Variants in AP3B1 observed in about 807,000 individuals in gnomAD.
AP3B1 encodes the protein adaptor related protein complex 3 subunit beta 1.
A neutral mutation model predicts 132.5 loss-of-function variants in AP3B1; 61 were observed. That is an observed-to-expected ratio of 0.46 (90% CI 0.37 to 0.57). The LOEUF is 0.57. Among genes scored for constraint, AP3B1 ranks in the 20% least tolerant of loss-of-function variants. The pLI, the probability that AP3B1 is intolerant of heterozygous loss-of-function variation, is 0.00. For missense variants in AP3B1, 1,120 were observed against 1,289.4 expected, an observed-to-expected ratio of 0.87 and a Z score of 2.01; for synonymous variants, 388 against 438.3, an observed-to-expected ratio of 0.89 and a Z score of 1.43.
intron 25 of AP3B1, chr5:78,015,808 A>G (rs1328592464): frequency 2.4e-6 from 1 of 416,634 alleles, no homozygotes; most frequent in Non-Finnish European, 4.4e-6. Context: ...TAGGATAAAA[A>G]CTTAGAATCA....
At chr5:78,047,323 G>A (rs150511212) in intron 22 of AP3B1, among the ~76,000 whole-genome samples, 6 of 152,290 alleles carry the variant, frequency 3.9e-5, no homozygotes, top group Middle Eastern at 3.4e-3. Context: ...CACCAACAGT[G>A]TAAAAGTGTT....
At chr5:78,157,587 ATG>A (rs1354386163) in intron 13 of AP3B1, among the ~76,000 whole-genome samples, 5 of 152,138 alleles carry the variant, frequency 3.3e-5, no homozygotes, top group African/African-American at 1.2e-4. Context: ...ATCTTATATA[ATG>A]TGTTATTAAT....
chr5:78,206,089 T>C (rs145796120), intron 7 of AP3B1, among the ~76,000 whole-genome samples: 93 of 152,226 alleles, frequency 6.1e-4, no homozygotes, highest in African/African-American at 2.1e-3. Context: ...CAACAAATTT[T>C]AAAAATTGGA....
chr5:78,078,884 G>C (rs1299940418), intron 22 of AP3B1, among the ~76,000 whole-genome samples: 1 of 152,184 alleles, frequency 6.6e-6, no homozygotes, highest in Non-Finnish European at 1.5e-5. Flanking sequence ...ATGTATGTTA[G>C]AATGCAAATA....
intron 2 of AP3B1, among the ~76,000 whole-genome samples, chr5:78,244,034 T>C (rs189458459): frequency 1.4e-4 from 22 of 152,292 alleles, no homozygotes; most frequent in African/African-American, 4.8e-4. Flanking sequence ...AGAGGAAAGA[T>C]AGTGAGCACA....
At chr5:78,160,576 T>C (rs941183974) in intron 13 of AP3B1, among the ~76,000 whole-genome samples, 1 of 152,118 alleles carries the variant, frequency 6.6e-6, no homozygotes, top group African/African-American at 2.4e-5. Context: ...AGCCTAAATG[T>C]CCCTGAGGTT....
rs1748687470 is a variant in AP3B1, at chr5:78,053,698, GAAA to G, written c.2578-14427_2578-14425del. ...CATCTCAAAAAAAAAAAAAAAAAAA[GAAA>G]GAAAAGAAAAGTCCCCCTCAGGTAA... On this transcript the variant is annotated intron_variant, in intron 22 of 26. Coordinates refer to ENST00000255194, the MANE Select transcript of AP3B1 (RefSeq NM_003664.5). 2.0e-5 allele frequency among the ~76,000 whole-genome samples: 2 copies of G among 98,642 alleles called. 1 individual carries two copies. The highest frequency in any genetic ancestry group is 7.2e-5 in the African/African-American group (2 of 27,726). 64.7% of individuals were successfully genotyped at this position (98,642 alleles called of 152,430 possible). A position where few individuals can be genotyped will look rare whatever the true frequency, so the allele number is the denominator to read the frequency against.
intron 7 of AP3B1, among the ~76,000 whole-genome samples, chr5:78,183,954 G>C (rs1194209846): frequency 1.3e-5 from 2 of 150,466 alleles, no homozygotes; most frequent in East Asian, 3.9e-4. Context: ...TGGATCACGA[G>C]ATCAGGAGTT....
chr5:78,100,153 A>C (rs1192196653), intron 21 of AP3B1, among the ~76,000 whole-genome samples: 1 of 152,114 alleles, frequency 6.6e-6, no homozygotes, highest in Non-Finnish European at 1.5e-5. Context: ...TCTCTATATT[A>C]AGTATATGCC....
intron 22 of AP3B1, among the ~76,000 whole-genome samples, chr5:78,065,284 C>A (rs958550449): frequency 6.6e-6 from 1 of 152,170 alleles, no homozygotes; most frequent in African/African-American, 2.4e-5. Flanking sequence ...CGGCTGGAGA[C>A]TCCCTGAGAC....
chr5:78,150,371 T>C (rs948578828), intron 14 of AP3B1, among the ~76,000 whole-genome samples: 2 of 152,144 alleles, frequency 1.3e-5, no homozygotes, highest in African/African-American at 2.4e-5. Context: ...TCAAGGAAGA[T>C]AGGGACAGAA....
chr5:78,133,546 C>G (rs1468468300), intron 15 of AP3B1, among the ~76,000 whole-genome samples: 1 of 152,138 alleles, frequency 6.6e-6, no homozygotes, highest in African/African-American at 2.4e-5. Flanking sequence ...ATGGAGACAA[C>G]AGGCATAAAT....
intron 24 of AP3B1, among the ~76,000 whole-genome samples, chr5:78,033,067 A>G (rs1018292192): frequency 6.6e-6 from 1 of 152,116 alleles, no homozygotes; most frequent in African/African-American, 2.4e-5. Flanking sequence ...ACAAATTGAT[A>G]AGAAAAAGGA....
intron 1 of AP3B1, among the ~76,000 whole-genome samples, chr5:78,268,904 G>GT: frequency 6.6e-6 from 1 of 152,242 alleles, no homozygotes; most frequent in African/African-American, 2.4e-5. Flanking sequence ...AGCTTCTCAC[G>GT]TATGTCATAA....
At chr5:78,060,565 C>G (rs1749003150) in intron 22 of AP3B1, among the ~76,000 whole-genome samples, 1 of 152,092 alleles carries the variant, frequency 6.6e-6, no homozygotes, top group African/African-American at 2.4e-5. Flanking sequence ...GTCATGATCC[C>G]AAGACACCTT....
At chr5:78,208,509 C>T (rs979868991) in intron 7 of AP3B1, among the ~76,000 whole-genome samples, 6 of 152,148 alleles carry the variant, frequency 3.9e-5, no homozygotes, top group Admixed American at 6.6e-5. Flanking sequence ...GTAAAATATA[C>T]ATATGTCAAA....
At chr5:78,105,175 T>C (rs1207405740) in intron 20 of AP3B1, among the ~76,000 whole-genome samples, 1 of 152,170 alleles carries the variant, frequency 6.6e-6, no homozygotes. Context: ...TTTTATCATT[T>C]TAATCATAGA....
intron 11 of AP3B1, among the ~76,000 whole-genome samples, chr5:78,172,466 G>T (rs1013662542): frequency 6.6e-6 from 1 of 152,224 alleles, no homozygotes; most frequent in African/African-American, 2.4e-5. Context: ...AGTCTTGGGA[G>T]TGTGTACGTG....
chr5:78,196,988 A>C (rs1009248374), intron 7 of AP3B1, among the ~76,000 whole-genome samples: 2 of 152,180 alleles, frequency 1.3e-5, no homozygotes, highest in Non-Finnish European at 2.9e-5. Context: ...AGAATGTACA[A>C]CACCAAGGAT....
Sources: gnomAD v4.1 joint callset for allele counts (sites outside exome capture counted in the v4.1 genomes callset) on GRCh38, gnomAD v4.1.1 for gene constraint, MANE v1.5 for transcripts, NCBI Gene and HGNC (gene_info 2026-07-23, HGNC 2026-07-21) for gene names.